Variants in FNDC5 observed in about 807,000 individuals in gnomAD.
The protein encoded by FNDC5 is fibronectin type III domain containing 5.
A neutral mutation model predicts 24.6 loss-of-function variants in FNDC5; 10 were observed. The ratio of observed to expected loss-of-function variants is 0.41; its 90% confidence interval spans 0.25 to 0.69. The LOEUF is 0.69. Ranked by LOEUF, FNDC5 falls within the 30% of genes least tolerant of loss-of-function variation. The pLI is 0.34. For synonymous variants in FNDC5, 90 were observed against 110.7 expected, an observed-to-expected ratio of 0.81 and a Z score of 1.18; for missense variants, 226 against 282.9, an observed-to-expected ratio of 0.80 and a Z score of 1.44.
chr1:32,867,506 G>C (rs1214893799), intron 4 of FNDC5, among the ~76,000 whole-genome samples: 1 of 152,186 alleles, frequency 6.6e-6, no homozygotes, highest in Non-Finnish European at 1.5e-5. Context: ...CTCTTCTGAG[G>C]GAGGGCGAAG....
At chr1:32,869,398 C>T (rs1167988373) in intron 1 of FNDC5, among the ~76,000 whole-genome samples, 2 of 152,246 alleles carry the variant, frequency 1.3e-5, no homozygotes, top group African/African-American at 4.8e-5. Context: ...CAGTCCAGTG[C>T]TCTTTTGACA....
chr1:32,865,863 TAACTC>T (rs765676339), intron 4 of FNDC5, among the ~76,000 whole-genome samples: 2 of 152,096 alleles, frequency 1.3e-5, no homozygotes, highest in East Asian at 1.9e-4. Flanking sequence ...TTCACTAACT[TAACTC>T]AAGGTCACAC....
At chr1:32,866,361 T>C (rs1641070550) in intron 4 of FNDC5, among the ~76,000 whole-genome samples, 1 of 152,178 alleles carries the variant, frequency 6.6e-6, no homozygotes, top group Non-Finnish European at 1.5e-5. Context: ...TCAACCACCA[T>C]GGTAATAAAG....
In FNDC5 at chr1:32,868,098, G is replaced by A; in HGVS notation, c.409+92C>T. 7.0e-7 allele frequency: 1 copy of A among 1,434,744 alleles called. No individual in the cohort carries two copies. Among genetic ancestry groups the A allele is most frequent in the Admixed American group, 1.8e-5 (1 of 57,114 alleles). The allele number at this position is 1,434,744 out of a possible 1,614,324, so 88.9% of individuals were successfully genotyped here. ...TTACTTGCCAGCAGGGGATAAGGGG[G>A]AGGAGACAGAGCTTTCCTCAAGCCA... On this transcript the variant is annotated intron_variant, in intron 3 of 5. Transcript: ENST00000373471. This position sits in a 1 kb window ranked among gnomAD's most constrained non-coding sequence, Gnocchi z 4.8.
At chr1:32,867,588 G>A (rs186864321) in intron 4 of FNDC5, among the ~76,000 whole-genome samples, 165 bp downstream of exon 4, 76 of 152,278 alleles carry the variant, frequency 5.0e-4, no homozygotes, top group African/African-American at 1.7e-3. Context: ...AGGTAGAGAA[G>A]GGGTCAGATC....
intron 4 of FNDC5, among the ~76,000 whole-genome samples, chr1:32,866,655 T>C (rs1281210578): frequency 6.6e-6 from 1 of 152,136 alleles, no homozygotes; most frequent in Non-Finnish European, 1.5e-5. Context: ...TACATGGTAC[T>C]ATCATAGCAC....
rs987723197 is a variant in FNDC5, at chr1:32,863,349, C to G, written c.*945G>C. On this transcript the variant is annotated 3_prime_UTR_variant, in exon 6 of 6. Transcript: ENST00000373471. Reference sequence around the variant, plus strand: ...TGATGGCAGCCATGATCCTGCCTGGCAGGCAGCCCCACAGCTTCTCTGATG... The same window carrying G: ...TGATGGCAGCCATGATCCTGCCTGGGAGGCAGCCCCACAGCTTCTCTGATG... 5.7e-6 allele frequency: 1 copy of G among 175,962 alleles called. No individual in the cohort carries two copies. The highest frequency in any genetic ancestry group is 2.4e-5 in the African/African-American group (1 of 42,490). The allele number at this position is 175,962 out of a possible 1,614,324, so 10.9% of individuals were successfully genotyped here.
Position 32,870,824 on chromosome 1 carries a change from G to T in FNDC5, c.-78C>A. On this transcript the variant is annotated 5_prime_UTR_variant, in exon 1 of 6. Coordinates refer to ENST00000373471, the MANE Select transcript of FNDC5 (RefSeq NM_153756.3). ...GCGCCCGGCGGCCGCTCGCGCTCGC[G>T]CTCCGGCCCCCGGCCCGGCCGGCCC... 2.0e-6 allele frequency: 1 copy of T among 505,520 alleles called. No individual in the cohort carries two copies. Among genetic ancestry groups the T allele is most frequent in the Non-Finnish European group, 2.5e-6 (1 of 396,252 alleles). The allele number at this position is 505,520 out of a possible 1,614,324, so 31.3% of individuals were successfully genotyped here. A position where few individuals can be genotyped will look rare whatever the true frequency, so the allele number is the denominator to read the frequency against.
intron 5 of FNDC5, 36 bp from the exon 6 acceptor site, chr1:32,864,335 A>G (rs1641027789): frequency 6.2e-7 from 1 of 1,612,670 alleles, no homozygotes; most frequent in African/African-American, 1.3e-5. Context: ...GTACAGCGGT[A>G]AAGCACCTGC....
intron 4 of FNDC5, 27 bp downstream of exon 4, chr1:32,867,726 G>C (rs981566156): frequency 2.5e-6 from 4 of 1,607,114 alleles, no homozygotes; most frequent in Non-Finnish European, 3.4e-6. Flanking sequence ...TCTGAGGGAA[G>C]AAGAAGGTCT....
At chr1:32,870,124 G>A (rs1641150204) in intron 1 of FNDC5, among the ~76,000 whole-genome samples, 1 of 152,088 alleles carries the variant, frequency 6.6e-6, no homozygotes, top group Admixed American at 6.5e-5. Context: ...GGCTGGGCAA[G>A]GACGGGCCGG....
rs1449311278 is a variant in FNDC5 at position 32,868,341 on chromosome 1, G to A, written c.258C>T (p.Thr86=). The change falls in exon 3 of 6, where the codon ACC becomes ACT. Residue 86 remains threonine (T), a synonymous_variant. Transcript: ENST00000373471. The surrounding 1 kb of genome is among the most constrained non-coding windows in gnomAD (Gnocchi z 4.8). Reference sequence around the variant, plus strand: ...GGTCCCAGAGGGCACATGAGCGGGTGGTGGTGTTCACCTCCTGGATGAAGC... The same window carrying A: ...GGTCCCAGAGGGCACATGAGCGGGTAGTGGTGTTCACCTCCTGGATGAAGC... 1 of 1,614,176 alleles carries A rather than the reference G, an allele frequency of 6.2e-7. No individual in the cohort carries two copies. The highest frequency in any genetic ancestry group is 1.7e-5 in the Admixed American group (1 of 60,032).
chr1:32,870,531 G>T (rs978111768), intron 1 of FNDC5, 122 bp downstream of exon 1: 4 of 455,638 alleles, frequency 8.8e-6, no homozygotes, highest in Non-Finnish European at 1.3e-5. Flanking sequence ...TGGGTTAGGG[G>T]AGCAGTGTTT....
At chr1:32,864,576 A>G in intron 5 of FNDC5, 88 bp downstream of exon 5, 1 of 1,591,930 alleles carries the variant, frequency 6.3e-7, no homozygotes, top group Non-Finnish European at 8.5e-7. Flanking sequence ...TCGCCATGCC[A>G]GTCCCCGAGC....
chr1:32,868,525 C>G lies in FNDC5; in HGVS notation c.211-137G>C, dbSNP rs890218748. ...CTCCGCTATCAATATCTCCATTTTA[C>G]AGGGAAGGAAACAGGTTCAGAGAGG... On this transcript the variant is annotated intron_variant, in intron 2 of 5. Transcript: ENST00000373471. The surrounding 1 kb of genome is among the most constrained non-coding windows in gnomAD (Gnocchi z 4.8). The G allele has an allele frequency of 2.9e-6, 3 of 1,051,896 alleles. No individual in the cohort carries two copies. Among genetic ancestry groups the G allele is most frequent in the African/African-American group, 3.2e-5 (2 of 62,836 alleles). 65.2% of individuals were successfully genotyped at this position (1,051,896 alleles called of 1,614,324 possible).
At chr1:32,864,465 A>T in intron 5 of FNDC5, 166 bp from the exon 6 acceptor site, 1 of 1,457,414 alleles carries the variant, frequency 6.9e-7, no homozygotes, top group Non-Finnish European at 9.0e-7. Context: ...TCTTCAAATC[A>T]CCACTGGCCC....
In FNDC5 at chr1:32,868,801, A is replaced by C. The variant is rs561612062; in HGVS notation, c.210+81T>G. On this transcript the variant is annotated intron_variant, in intron 2 of 5. Transcript: ENST00000373471. This position sits in a 1 kb window ranked among gnomAD's most constrained non-coding sequence, Gnocchi z 4.8. ...CCTATTTCCTTTCTATTTCTCCATC[A>C]CCACCACTGCCACACTCCTACCCCC... 1.1e-6 allele frequency: 1 copy of C among 951,650 alleles called. No individual in the cohort carries two copies. Among genetic ancestry groups the C allele is most frequent in the Non-Finnish European group, 1.4e-6 (1 of 719,242 alleles). The allele number at this position is 951,650 out of a possible 1,614,324, so 59.0% of individuals were successfully genotyped here.
chr1:32,865,320 A>C (rs1248884965), intron 4 of FNDC5, among the ~76,000 whole-genome samples: 2 of 150,610 alleles, frequency 1.3e-5, no homozygotes, highest in Non-Finnish European at 3.0e-5. Context: ...GCTGGTCTCG[A>C]ACTCCCGACC....
In FNDC5 at chr1:32,863,561, T is replaced by G. The variant is rs1569984281; in HGVS notation, c.*733A>C. On this transcript the variant is annotated 3_prime_UTR_variant, in exon 6 of 6. Coordinates refer to ENST00000373471, the MANE Select transcript of FNDC5 (RefSeq NM_153756.3). ...AGTTTTGTGGCTTATTTTTATTTTT[T>G]TGCAGAATTTGGGTTTGTAGTGCAG... 3.8e-6 allele frequency: 2 copies of G among 525,634 alleles called. No individual in the cohort carries two copies. Among genetic ancestry groups the G allele is most frequent in the East Asian group, 1.4e-4 (2 of 14,242 alleles). The allele number at this position is 525,634 out of a possible 1,614,324, so 32.6% of individuals were successfully genotyped here.
Sources: allele counts gnomAD v4.1 joint callset (sites outside exome capture counted in the v4.1 genomes callset), GRCh38; gene constraint gnomAD v4.1.1; non-coding constraint Gnocchi (gnomAD v3.1); transcripts MANE v1.5; gene names NCBI Gene and HGNC (gene_info 2026-07-23, HGNC 2026-07-21).